The following PCNX2 variants were observed in gnomAD, a reference collection of about 807,000 sequenced individuals.
PCNX2 encodes pecanex-like protein 2.
PCNX2 carries 168 observed loss-of-function variants against 223.8 expected under a neutral mutation model. The ratio of observed to expected loss-of-function variants is 0.75; its 90% CI spans 0.66 to 0.85. The LOEUF is 0.85. Among genes scored for constraint, PCNX2 ranks in the 40% least tolerant of loss-of-function variants. The probability of loss-of-function intolerance (pLI) is 0.00; values close to 1 mark genes in which losing one functional copy is unlikely to be tolerated. For synonymous variants in PCNX2, 1,006 were observed against 1,052.6 expected, an observed-to-expected ratio of 0.96 and a Z score of 0.86; for missense variants, 2,507 against 2,675.5, an observed-to-expected ratio of 0.94 and a Z score of 1.39.
chr1:233,265,702 CTTAA>C (rs1660295808), intron 1 of PCNX2, among the ~76,000 whole-genome samples: 1 of 152,108 alleles, frequency 6.6e-6, no homozygotes, highest in African/African-American at 2.4e-5. Flanking sequence ...GCTAGCAATA[CTTAA>C]TTAATAACAG....
At chr1:233,190,506 G>A (rs1040763478) in intron 15 of PCNX2, among the ~76,000 whole-genome samples, 8 of 152,176 alleles carry the variant, frequency 5.3e-5, no homozygotes, top group Non-Finnish European at 1.2e-4. Context: ...TTAACAAAAG[G>A]TGCTTCAAAA....
rs150502582 is a variant in PCNX2 at position 233,068,361 on chromosome 1, TAAGAA to T, written c.4077-11076_4077-11072del. ...GAAATAATAGGTAAATAATGTCCTC[TAAGAA>T]AAGAAAAGAAGAGAAAGAAAGAAAA... On this transcript the variant is annotated intron_variant, in intron 23 of 33. Transcript: ENST00000258229. 5.8e-3 allele frequency among the ~76,000 whole-genome samples: 886 copies of T among 151,816 alleles called. 6 individuals carry two copies. The highest frequency in any genetic ancestry group is 0.01 in the Non-Finnish European group (697 of 67,892).
intron 21 of PCNX2, among the ~76,000 whole-genome samples, chr1:233,104,359 A>G (rs1307465995): frequency 6.6e-6 from 1 of 152,170 alleles, no homozygotes; most frequent in Non-Finnish European, 1.5e-5. Flanking sequence ...TTTTTACCAA[A>G]ATAAAGTTTC....
chr1:232,984,750 G>A, intron 33 of PCNX2: 1 of 359,182 alleles, frequency 2.8e-6, no homozygotes. Flanking sequence ...GGGGGAAGGG[G>A]CATTTGTGCG....
chr1:233,218,107 CTCAAGGTCAGAAA>C lies in PCNX2; in HGVS notation c.2569_2581del (p.Phe857AlafsTer25), dbSNP rs1657101315. The C allele has an allele frequency of 6.4e-7, 1 of 1,559,902 alleles. No individual in the cohort carries two copies. ...CCACATATCTTTGCAAAAGCCTTGG[CTCAAGGTCAGAAA>C]TCCAAGGAGGGAAACCAGGACAATG... is the stretch of plus-strand genomic sequence containing the variant. On this transcript the variant is annotated frameshift_variant, in exon 11 of 34. Transcript: ENST00000258229. LOFTEE classifies it high-confidence loss of function.
At chr1:233,047,423 G>T in intron 25 of PCNX2, 1 of 984,882 alleles carries the variant, frequency 1.0e-6, no homozygotes, top group African/African-American at 1.7e-5. Context: ...TTTGCAAAAA[G>T]AAGCTAAAAA....
chr1:233,199,421 A>C (rs1680924980), intron 14 of PCNX2, among the ~76,000 whole-genome samples: 2 of 151,984 alleles, frequency 1.3e-5, no homozygotes, highest in East Asian at 1.9e-4. Flanking sequence ...GAGACGGGAA[A>C]GGGAATAAGC....
chr1:233,217,319 C>T (rs1657022686), intron 12 of PCNX2, among the ~76,000 whole-genome samples: 2 of 152,070 alleles, frequency 1.3e-5, no homozygotes, highest in African/African-American at 2.4e-5. Flanking sequence ...TCACCCTGTA[C>T]CCCATAAGTA....
upstream of PCNX2, among the ~76,000 whole-genome samples, chr1:233,299,744 G>A (rs1558439899): frequency 6.6e-6 from 1 of 152,186 alleles, no homozygotes; most frequent in Non-Finnish European, 1.5e-5. Context: ...CTCTTTTCCA[G>A]TCAGTTACCT....
chr1:233,202,757 T>G (rs1186771620), intron 13 of PCNX2, among the ~76,000 whole-genome samples: 1 of 152,176 alleles, frequency 6.6e-6, no homozygotes, highest in Non-Finnish European at 1.5e-5. Flanking sequence ...GGCAGGGATT[T>G]ATAAACCTAA....
At chr1:233,069,496 A>G (rs1672756272) in intron 23 of PCNX2, among the ~76,000 whole-genome samples, 2 of 152,154 alleles carry the variant, frequency 1.3e-5, no homozygotes, top group African/African-American at 4.8e-5. Flanking sequence ...AAAAAATGAA[A>G]TCATACAGAG....
Position 233,139,586 on chromosome 1 carries a change from G to T in PCNX2, c.3659+128C>A. On this transcript the variant is annotated intron_variant, in intron 20 of 33. Coordinates refer to ENST00000258229, the MANE Select transcript of PCNX2 (RefSeq NM_014801.4). The surrounding 1 kb of genome is among the most constrained non-coding windows in gnomAD (Gnocchi z 4.4). ...TGGGTTTTGAGTAAAAGACCACCAT[G>T]GCTTATTTTTACATGGCCAATCACA... The T allele has an allele frequency of 8.8e-7, 1 of 1,136,432 alleles. No individual in the cohort carries two copies. The allele number at this position is 1,136,432 out of a possible 1,614,324, so 70.4% of individuals were successfully genotyped here. A position where few individuals can be genotyped will look rare whatever the true frequency, so the allele number is the denominator to read the frequency against.
intron 15 of PCNX2, among the ~76,000 whole-genome samples, chr1:233,179,545 G>T (rs1679675586): frequency 6.6e-6 from 1 of 151,948 alleles, no homozygotes; most frequent in African/African-American, 2.4e-5. Flanking sequence ...TTAATTGATG[G>T]TCTAAATGGC....
chr1:233,004,994 T>C (rs1278136751), intron 28 of PCNX2, among the ~76,000 whole-genome samples: 1 of 152,202 alleles, frequency 6.6e-6, no homozygotes, highest in Non-Finnish European at 1.5e-5. Flanking sequence ...CCAAGAAGGC[T>C]GTTTTACAAC....
chr1:233,074,390 C>G (rs959567156), intron 23 of PCNX2, among the ~76,000 whole-genome samples: 2 of 151,832 alleles, frequency 1.3e-5, no homozygotes, highest in African/African-American at 4.8e-5. Flanking sequence ...GTCAGGAGAT[C>G]GAGACCATCC....
At chr1:233,081,167 T>A (rs1673341944) in intron 23 of PCNX2, among the ~76,000 whole-genome samples, 1 of 151,964 alleles carries the variant, frequency 6.6e-6, no homozygotes, top group South Asian at 2.1e-4. Flanking sequence ...GCCAAGATGA[T>A]GAAACCCCAT....
At chr1:233,215,536 C>T (rs1368696380) in intron 12 of PCNX2, among the ~76,000 whole-genome samples, 1 of 152,202 alleles carries the variant, frequency 6.6e-6, no homozygotes, top group African/African-American at 2.4e-5. Context: ...ACAGACATTA[C>T]AAATCCACAA....
In PCNX2 at chr1:233,154,968, C is replaced by G. The variant is rs1678025174; in HGVS notation, c.3517+5315G>C. Among the ~76,000 whole-genome samples, 3 of 149,952 alleles carry G rather than the reference C, an allele frequency of 2.0e-5. No homozygotes were observed. In the South Asian group the frequency reaches 6.3e-4, roughly 31 times the overall value. ...CCTGTAATTCCAGCTAGTAGGGCAGCTGAGGCATGAGAATTGCTTGAACCC... is the reference window on the plus strand; with the variant it reads ...CCTGTAATTCCAGCTAGTAGGGCAGGTGAGGCATGAGAATTGCTTGAACCC... On this transcript the variant is annotated intron_variant, in intron 19 of 33. Transcript: ENST00000258229.
intron 1 of PCNX2, among the ~76,000 whole-genome samples, chr1:233,278,580 T>C (rs1661028578): frequency 6.6e-6 from 1 of 152,198 alleles, no homozygotes; most frequent in Non-Finnish European, 1.5e-5. Flanking sequence ...GGCATTTCTG[T>C]ACAGGGGAGT....
Sources: gnomAD v4.1 joint callset for allele counts (sites outside exome capture counted in the v4.1 genomes callset) on GRCh38, gnomAD v4.1.1 for gene constraint, Gnocchi (gnomAD v3.1) non-coding constraint, MANE v1.5 for transcripts, NCBI Gene and HGNC (gene_info 2026-07-23, HGNC 2026-07-21) for gene names.